ZNF521: variants seen among roughly 807,000 people sequenced by gnomAD.
The protein encoded by ZNF521 is zinc finger protein 521.
In ZNF521, 14 loss-of-function variants were observed where a neutral mutation model predicts 105.5. The observed-to-expected ratio is 0.13, with a 90% CI of 0.09 to 0.21. ZNF521 has a LOEUF of 0.21. ZNF521 is among the 10% of genes least tolerant of loss of function. ZNF521 has a pLI of 1.00. For missense variants in ZNF521, 1,233 were observed against 1,629.7 expected (o/e 0.76, Z 4.19); for synonymous variants, 635 against 606.0 (o/e 1.05, Z -0.70).
intron 2 of ZNF521, among the ~76,000 whole-genome samples, chr18:25,343,483 A>G (rs1441718414): frequency 2.0e-5 from 3 of 152,216 alleles, no homozygotes; most frequent in Admixed American, 2.0e-4. Flanking sequence ...TGAGGGACGT[A>G]AACTCTTGGG....
intron 7 of ZNF521, among the ~76,000 whole-genome samples, chr18:25,071,023 GA>G (rs2033207571): frequency 2.0e-5 from 3 of 152,108 alleles, no homozygotes; most frequent in African/African-American, 7.2e-5. Flanking sequence ...TCAGACACAG[GA>G]ACAGGTGGTC....
intron 4 of ZNF521, among the ~76,000 whole-genome samples, chr18:25,206,989 G>A (rs935633266): frequency 2.0e-5 from 3 of 152,000 alleles, no homozygotes; most frequent in Non-Finnish European, 4.4e-5. Context: ...AAGTGGTAGG[G>A]TTCTTTTAAC....
intron 5 of ZNF521, among the ~76,000 whole-genome samples, chr18:25,107,984 T>G (rs2034107362): frequency 6.6e-6 from 1 of 152,374 alleles, no homozygotes; most frequent in Non-Finnish European, 1.5e-5. Context: ...AGTGCCTTTT[T>G]CATCCAGGTG....
intron 5 of ZNF521, among the ~76,000 whole-genome samples, chr18:25,112,125 C>G (rs184067498): frequency 1.3e-5 from 2 of 152,276 alleles, no homozygotes; most frequent in African/African-American, 4.8e-5. Context: ...ACTCTCCTGT[C>G]CTCTTCAGAA....
intron 7 of ZNF521, among the ~76,000 whole-genome samples, chr18:25,068,825 T>C (rs1420541749): frequency 6.6e-6 from 1 of 152,208 alleles, no homozygotes; most frequent in Non-Finnish European, 1.5e-5. Flanking sequence ...AAGCATATAC[T>C]GTACGTGACT....
At chr18:25,125,377 AAC>A (rs1361012328) in intron 5 of ZNF521, among the ~76,000 whole-genome samples, 3 of 152,144 alleles carry the variant, frequency 2.0e-5, no homozygotes, top group Non-Finnish European at 4.4e-5. Flanking sequence ...TAAATTTCAA[AAC>A]AGTCTATTCA....
intron 2 of ZNF521, among the ~76,000 whole-genome samples, chr18:25,333,341 TA>T (rs1202572013): frequency 6.7e-6 from 1 of 149,884 alleles, no homozygotes; most frequent in African/African-American, 2.5e-5. Context: ...TATACACACA[TA>T]TATATATGTA....
chr18:25,239,315 G>C (rs933441959), intron 3 of ZNF521, among the ~76,000 whole-genome samples: 2 of 152,172 alleles, frequency 1.3e-5, no homozygotes, highest in African/African-American at 4.8e-5. Flanking sequence ...GAGTTATACA[G>C]TTCCAAGTAC....
At chr18:25,336,744 AC>A (rs533570411) in intron 2 of ZNF521, among the ~76,000 whole-genome samples, 19 of 152,296 alleles carry the variant, frequency 1.2e-4, no homozygotes, top group African/African-American at 4.6e-4. Flanking sequence ...GCTATGTGCT[AC>A]CACACAGGTA....
chr18:25,201,837 A>G (rs2035998723), intron 4 of ZNF521: 1 of 152,178 alleles, frequency 6.6e-6, no homozygotes, highest in Non-Finnish European at 1.5e-5. Flanking sequence ...AATGACCCTG[A>G]GTTTCCTTCT....
Position 25,225,848 on chromosome 18 carries a change from A to G in ZNF521, c.2070T>C (p.Thr690=), listed in dbSNP as rs35770137. Reference sequence around the variant, plus strand: ...AACTCTCACAGATGTAATACGTTGAAGTGATCATAAAGTGAATGGTAACAT... The same window carrying G: ...AACTCTCACAGATGTAATACGTTGAGGTGATCATAAAGTGAATGGTAACAT... ...LKHVTIHFMI[T]STYYICESCD... Residue 690 remains threonine (T), a synonymous_variant, in exon 4 of 8, where the codon ACT becomes ACC. Transcript: ENST00000361524. This position sits in a 1 kb window ranked among gnomAD's most constrained non-coding sequence, Gnocchi z 5.6. 7.0e-3 allele frequency: 11,372 copies of G among 1,614,182 alleles called. 512 individuals carry two copies. In the African/African-American group the frequency reaches 0.11, roughly 16 times the overall value.
intron 7 of ZNF521, among the ~76,000 whole-genome samples, chr18:25,079,255 G>A (rs999946080): frequency 2.4e-4 from 36 of 152,292 alleles, no homozygotes; most frequent in African/African-American, 6.7e-4. Flanking sequence ...ACTCAAGTTC[G>A]ACTTCCAGAA....
intron 2 of ZNF521, among the ~76,000 whole-genome samples, chr18:25,331,752 G>C (rs912434600): frequency 2.0e-5 from 3 of 152,112 alleles, no homozygotes; most frequent in African/African-American, 7.2e-5. Context: ...TGTTTTGTTT[G>C]AATCAGGAAA....
At chr18:25,252,508 T>C (rs1304523931) in intron 3 of ZNF521, among the ~76,000 whole-genome samples, 1 of 152,128 alleles carries the variant, frequency 6.6e-6, no homozygotes, top group African/African-American at 2.4e-5. Flanking sequence ...TACAGAGGAC[T>C]ACATTGCAAC....
intron 3 of ZNF521, among the ~76,000 whole-genome samples, chr18:25,279,530 T>G (rs1465430348): frequency 6.6e-6 from 1 of 152,200 alleles, no homozygotes; most frequent in Non-Finnish European, 1.5e-5. Flanking sequence ...GGGAAAAACT[T>G]GTTTTGCAGA....
chr18:25,298,202 A>C (rs1448463280), intron 3 of ZNF521, among the ~76,000 whole-genome samples: 1 of 152,196 alleles, frequency 6.6e-6, no homozygotes, highest in Non-Finnish European at 1.5e-5. Flanking sequence ...TAACCACCCA[A>C]AGAAATACAA....
Position 25,227,586 on chromosome 18 carries a change from T to G in ZNF521, c.332A>C (p.Glu111Ala). The G allele has an allele frequency of 6.2e-7, 1 of 1,614,156 alleles. No individual in the cohort carries two copies. The highest frequency in any genetic ancestry group is 8.5e-7 in the Non-Finnish European group (1 of 1,180,004). Residue 111 changes from glutamate (E) to alanine (A), a missense_variant, in exon 4 of 8, where the codon GAA (glutamate) becomes GCA (alanine). By Grantham distance (107) the Glu-to-Ala change is moderately radical (BLOSUM62 -1). Coordinates refer to ENST00000361524, the MANE Select transcript of ZNF521 (RefSeq NM_015461.3). The surrounding 1 kb of genome is among the most constrained non-coding windows in gnomAD (Gnocchi z 5.7). ...HGEGCDFGEE[E>A]GGPGLPYPCQ... ...CGGGTATGGAAGCCCAGGGCCACCT[T>G]CTTCCTCTCCAAAATCGCAACCTTC...
At chr18:25,117,018 CATAT>C (rs199539757) in intron 5 of ZNF521, among the ~76,000 whole-genome samples, 1,858 of 138,010 alleles carry the variant, frequency 0.013, 63 homozygotes, top group African/African-American at 0.048. Flanking sequence ...CACACACACA[CATAT>C]ATATATACAT....
At chr18:25,270,976 A>G (rs897493432) in intron 3 of ZNF521, among the ~76,000 whole-genome samples, 2 of 152,222 alleles carry the variant, frequency 1.3e-5, no homozygotes, top group African/African-American at 4.8e-5. Flanking sequence ...GAAGAGAGAA[A>G]GTCAAATTGT....
Sources: gnomAD v4.1 joint callset for allele counts (sites outside exome capture counted in the v4.1 genomes callset) on GRCh38, gnomAD v4.1.1 for gene constraint, Gnocchi (gnomAD v3.1) non-coding constraint, MANE v1.5 for transcripts, NCBI Gene and HGNC (gene_info 2026-07-23, HGNC 2026-07-21) for gene names.